ERO1B: variants seen among roughly 807,000 people sequenced by gnomAD.
The protein encoded by ERO1B is endoplasmic reticulum oxidoreductase 1 beta, also known as ERO1-like protein beta.
Under a neutral mutation model 75.3 loss-of-function variants are expected in ERO1B, and 49 were observed. The observed-to-expected ratio is 0.65, with a 90% CI of 0.52 to 0.83. ERO1B has a LOEUF of 0.83. Ranked by LOEUF, ERO1B falls within the 40% of genes least tolerant of loss-of-function variation. The pLI, the probability that ERO1B is intolerant of heterozygous loss-of-function variation, is 0.00. For synonymous variants in ERO1B, 191 were observed against 192.9 expected (o/e 0.99, Z 0.08); for missense variants, 512 against 560.1 (o/e 0.91, Z 0.87).
At chr1:236,267,420 C>G (rs776281794) in intron 2 of ERO1B, among the ~76,000 whole-genome samples, 1 of 152,086 alleles carries the variant, frequency 6.6e-6, no homozygotes, top group Non-Finnish European at 1.5e-5. Flanking sequence ...GAAGATTAAA[C>G]GAGATATTCA....
chr1:236,237,223 G>A (rs1022226803), intron 6 of ERO1B, among the ~76,000 whole-genome samples: 3 of 148,400 alleles, frequency 2.0e-5, no homozygotes, highest in African/African-American at 4.9e-5. Flanking sequence ...AGGTTCAAGC[G>A]ATTCTCCTGC....
At chr1:236,221,248 G>C (rs1276848104) in intron 14 of ERO1B, among the ~76,000 whole-genome samples, 1 of 151,896 alleles carries the variant, frequency 6.6e-6, no homozygotes, top group Non-Finnish European at 1.5e-5. Flanking sequence ...ACCATATTAG[G>C]ATTACAATGT....
intron 2 of ERO1B, among the ~76,000 whole-genome samples, chr1:236,260,739 A>T (rs1001544353): frequency 2.6e-5 from 4 of 152,140 alleles, no homozygotes; most frequent in African/African-American, 4.8e-5. Flanking sequence ...TATAAAGAAC[A>T]GCAACCAATC....
rs560539610 is a variant in ERO1B, at chr1:236,260,621, C to T, written c.223-7116G>A. Among the ~76,000 whole-genome samples, 20 of 150,836 alleles carry T rather than the reference C, an allele frequency of 1.3e-4. No homozygotes were observed. In the East Asian group the frequency reaches 1.4e-3, roughly 10 times the overall value. On this transcript the variant is annotated intron_variant, in intron 2 of 15. Transcript: ENST00000354619. ...TGGAGGTTGCAATGAGCCGAGATCG[C>T]GCCACTGCACTCCAGCCTGGGCAAC...
chr1:236,238,725 A>G lies in ERO1B; in HGVS notation c.506-2327T>C, dbSNP rs569586992. Among the ~76,000 whole-genome samples the G allele has an allele frequency of 1.3e-4, 19 of 151,858 alleles. 1 individual carries two copies. The South Asian group carries it at 3.9e-3, about 31-fold the overall frequency. ...ATGTTCTCTGACACATATATATTAT[A>G]TATTTATAAATAATTTGTGTATGTG... On this transcript the variant is annotated intron_variant, in intron 6 of 15. Coordinates refer to ENST00000354619, the MANE Select transcript of ERO1B (RefSeq NM_019891.4).
rs1327967256 is a variant in ERO1B at position 236,215,221 on chromosome 1, TTCTC to T, written c.*3291_*3294del. 6.6e-6 allele frequency among the ~76,000 whole-genome samples: 1 copy of T among 152,216 alleles called. No individual in the cohort carries two copies. The highest frequency in any genetic ancestry group is 1.5e-5 in the Non-Finnish European group (1 of 68,036). On this transcript the variant is annotated 3_prime_UTR_variant, in exon 16 of 16. Coordinates refer to ENST00000354619, the MANE Select transcript of ERO1B (RefSeq NM_019891.4). ...GTCACAAAGGTTCTAGAATCAGTCT[TTCTC>T]GTCTCAAATTCTTGCTCCACAACCT...
intron 2 of ERO1B, among the ~76,000 whole-genome samples, chr1:236,263,028 C>A (rs1401482166): frequency 6.6e-6 from 1 of 152,072 alleles, no homozygotes; most frequent in Non-Finnish European, 1.5e-5. Flanking sequence ...TTAAGAATTC[C>A]CCACAGGCTT....
At chr1:236,253,379 C>G (rs982381750) in intron 3 of ERO1B, 43 bp downstream of exon 3, 1 of 1,212,054 alleles carries the variant, frequency 8.3e-7, no homozygotes, top group African/African-American at 1.5e-5. Flanking sequence ...TTCTAAAAGT[C>G]CAAGAGAAAA....
chr1:236,224,117 G>A (rs535857421), intron 13 of ERO1B, among the ~76,000 whole-genome samples: 22 of 152,158 alleles, frequency 1.4e-4, no homozygotes, highest in African/African-American at 5.1e-4. Flanking sequence ...ATCCGTTAAT[G>A]TTTCTGTAGC....
At position 236,236,380 on chromosome 1, in the gene ERO1B, G is replaced by A. The variant is rs1027848571; in HGVS notation, c.524C>T (p.Ala175Val). ...CELDDERSPAAQYVDLLLNPE... is the reference protein window; with the variant it reads ...CELDDERSPAVQYVDLLLNPE... ...GTTCAGCAATAGGTCTACATACTGA[G>A]CAGCTGGAGATCTCTCATCTGAACA... Residue 175 changes from alanine to valine, a missense_variant, in exon 7 of 16, where the codon GCT becomes GTT. By Grantham distance (64) the Ala-to-Val change is moderately conservative. Transcript: ENST00000354619. The A allele has an allele frequency of 5.0e-6, 8 of 1,613,588 alleles. No homozygotes were observed. The African/African-American group carries it at 1.1e-4, about 22-fold the overall frequency.
At chr1:236,221,707 T>C (rs2102937666) in intron 14 of ERO1B, 1 of 476,818 alleles carries the variant, frequency 2.1e-6, no homozygotes. Flanking sequence ...ATAGACACAA[T>C]AAAACTAAAA....
Position 236,255,606 on chromosome 1 carries a change from A to G in ERO1B, c.223-2101T>C, listed in dbSNP as rs112350300. Among the ~76,000 whole-genome samples, 954 of 152,316 alleles carry G rather than the reference A, an allele frequency of 6.3e-3. 10 individuals are homozygous for G. Among genetic ancestry groups the G allele is most frequent in the African/African-American group, 0.022 (914 of 41,562 alleles). On this transcript the variant is annotated intron_variant, in intron 2 of 15. Coordinates refer to ENST00000354619, the MANE Select transcript of ERO1B (RefSeq NM_019891.4). ...CAGAGAAGAAGGCAAAAATAGGTAG[A>G]TTGGCAACATAGAGGAGAGGGTGAT...
chr1:236,275,293 T>C (rs1665685744), intron 1 of ERO1B, among the ~76,000 whole-genome samples: 1 of 152,230 alleles, frequency 6.6e-6, no homozygotes, highest in Admixed American at 6.5e-5. Flanking sequence ...CCACTTGTTC[T>C]TCTGACTGGC....
rs527606126 is a variant in ERO1B, at chr1:236,266,091, G to C, written c.222+3784C>G. ...TTTATTGTTTACTTGTTTATTGTTTGTCTCTCTTATCAGAAAAGTTTTGTC... is the reference window on the plus strand; with the variant it reads ...TTTATTGTTTACTTGTTTATTGTTTCTCTCTCTTATCAGAAAAGTTTTGTC... On this transcript the variant is annotated intron_variant, in intron 2 of 15. Transcript: ENST00000354619. Among the ~76,000 whole-genome samples the C allele has an allele frequency of 2.6e-5, 4 of 152,160 alleles. 1 individual carries two copies. The South Asian group carries it at 8.3e-4, about 32-fold the overall frequency.
chr1:236,216,409 A>T lies in ERO1B; in HGVS notation c.*2107T>A, dbSNP rs539964750. 1 of 152,294 alleles carries T rather than the reference A, an allele frequency of 6.6e-6. No individual in the cohort carries two copies. Among genetic ancestry groups the T allele is most frequent in the Middle Eastern group, 3.4e-3 (1 of 294 alleles). The allele number at this position is 152,294 out of a possible 1,614,324, so 9.4% of individuals were successfully genotyped here. A position where few individuals can be genotyped will look rare whatever the true frequency, so the allele number is the denominator to read the frequency against. On this transcript the variant is annotated 3_prime_UTR_variant, in exon 16 of 16. Transcript: ENST00000354619. ...TCACACAATCATTTAAGAAATAAAA[A>T]CACATACACAAAAATGTAGGCTGCC...
At chr1:236,260,664 C>CAAAA (rs35701591) in intron 2 of ERO1B, among the ~76,000 whole-genome samples, 2 of 127,222 alleles carry the variant, frequency 1.6e-5, no homozygotes, top group East Asian at 4.3e-4. Context: ...GAGTTGGTCT[C>CAAAA]AAAAAAAAAA....
chr1:236,237,332 G>C (rs975796675), intron 6 of ERO1B, among the ~76,000 whole-genome samples: 2 of 152,002 alleles, frequency 1.3e-5, no homozygotes, highest in African/African-American at 4.8e-5. Flanking sequence ...GGCCAGGCTG[G>C]TCTCAAACTC....
At chr1:236,248,950 T>G (rs868515087) in intron 5 of ERO1B, among the ~76,000 whole-genome samples, 11 of 152,188 alleles carry the variant, frequency 7.2e-5, no homozygotes, top group South Asian at 6.2e-4. Flanking sequence ...TTTTCCTATA[T>G]TAAATTTTGT....
At position 236,269,963 on chromosome 1, in the gene ERO1B, T is replaced by C; in HGVS notation, c.134A>G (p.Asp45Gly). 6.2e-7 allele frequency: 1 copy of C among 1,603,088 alleles called. No individual in the cohort carries two copies. Among genetic ancestry groups the C allele is most frequent in the South Asian group, 1.1e-5 (1 of 90,548 alleles). ...ATTGAAGTTATCGATGCTGTCAATA[T>C]CACACAAGCAATCATCCAGAACTCC... ...VTGVLDDCLC[D>G]IDSIDNFNTY... The change falls in exon 2 of 16, where the codon GAT (aspartate) becomes GGT (glycine). Residue 45 changes from aspartate to glycine, a missense_variant. Physicochemically the swap from Asp to Gly is moderately conservative, Grantham distance 94 (BLOSUM62 -1). Transcript: ENST00000354619.
Sources: gnomAD v4.1 joint callset for allele counts (sites outside exome capture counted in the v4.1 genomes callset) on GRCh38, gnomAD v4.1.1 for gene constraint, MANE v1.5 for transcripts, NCBI Gene and HGNC (gene_info 2026-07-23, HGNC 2026-07-21) for gene names.